NPAS2: variants seen among roughly 807,000 people sequenced by gnomAD.
NPAS2 encodes neuronal PAS domain-containing protein 2.
Under a neutral mutation model 107.5 loss-of-function variants are expected in NPAS2, and 23 were observed. The observed-to-expected ratio is 0.21, with a 90% CI of 0.15 to 0.30. NPAS2 has a LOEUF of 0.30. Ranked by LOEUF, NPAS2 falls within the 10% of genes least tolerant of loss-of-function variation. The probability of loss-of-function intolerance (pLI) is 1.00; values close to 1 mark genes in which losing one functional copy is unlikely to be tolerated. For synonymous variants in NPAS2, 403 were observed against 417.5 expected, an observed-to-expected ratio of 0.97 and a Z score of 0.42; for missense variants, 756 against 1,043.3, an observed-to-expected ratio of 0.72 and a Z score of 3.79.
chr2:100,959,823 A>C (rs1675817143), intron 7 of NPAS2, among the ~76,000 whole-genome samples: 1 of 152,240 alleles, frequency 6.6e-6, no homozygotes, highest in Admixed American at 6.5e-5. Flanking sequence ...TATCATAAGC[A>C]GGTCGTCTCT....
intron 1 of NPAS2, among the ~76,000 whole-genome samples, chr2:100,884,324 G>A (rs1680565655): frequency 6.6e-6 from 1 of 152,138 alleles, no homozygotes; most frequent in Admixed American, 6.5e-5. Flanking sequence ...GAACTTAGCA[G>A]AAAGCAAACA....
intron 15 of NPAS2, among the ~76,000 whole-genome samples, chr2:100,978,837 G>C (rs1165286108): frequency 1.3e-5 from 2 of 152,208 alleles, no homozygotes; most frequent in African/African-American, 4.8e-5. Flanking sequence ...GGAAAGGTGG[G>C]TAGGAGGTTG....
chr2:100,830,348 G>A (rs1338784627), intron 1 of NPAS2, among the ~76,000 whole-genome samples: 1 of 152,068 alleles, frequency 6.6e-6, no homozygotes, highest in Non-Finnish European at 1.5e-5. Context: ...TATACTATAA[G>A]TTCTAGGGTA....
intron 15 of NPAS2, among the ~76,000 whole-genome samples, chr2:100,979,494 ATATATATATTTTTTTTT>A (rs1677275713): frequency 1.3e-5 from 1 of 74,874 alleles, no homozygotes; most frequent in Admixed American, 1.8e-4. Flanking sequence ...ATATATATAT[ATATATATATTTTTTTTT>A]TTTTTTTTTT....
chr2:100,990,975 G>A (rs947365075), intron 19 of NPAS2, 103 bp downstream of exon 19: 7 of 936,186 alleles, frequency 7.5e-6, no homozygotes, highest in South Asian at 1.4e-5. Flanking sequence ...TGAGCCTTGC[G>A]CTAAAGGCAA....
intron 1 of NPAS2, among the ~76,000 whole-genome samples, chr2:100,836,869 A>G (rs770916400): frequency 7.2e-5 from 11 of 152,208 alleles, no homozygotes; most frequent in Admixed American, 1.3e-4. Flanking sequence ...AGAAATATGA[A>G]AGAACTTTGA....
chr2:100,893,218 TC>T (rs1681192669), intron 1 of NPAS2, among the ~76,000 whole-genome samples: 1 of 152,070 alleles, frequency 6.6e-6, no homozygotes, highest in Non-Finnish European at 1.5e-5. Context: ...ATTACCAAGC[TC>T]CCATGTGTGA....
chr2:100,880,953 T>C (rs1265820055), intron 1 of NPAS2, among the ~76,000 whole-genome samples: 3 of 152,104 alleles, frequency 2.0e-5, no homozygotes, highest in African/African-American at 7.2e-5. Context: ...AAGCAGCAAG[T>C]GCAGGGGACT....
intron 1 of NPAS2, among the ~76,000 whole-genome samples, chr2:100,847,819 A>G (rs998336003): frequency 5.9e-5 from 9 of 152,238 alleles, no homozygotes; most frequent in African/African-American, 1.9e-4. Context: ...TTCGCCATAT[A>G]TGAAGACCTT....
chr2:100,886,640 T>A (rs990162792), intron 1 of NPAS2, among the ~76,000 whole-genome samples: 2 of 152,190 alleles, frequency 1.3e-5, no homozygotes, highest in Non-Finnish European at 2.9e-5. Flanking sequence ...GGAACTTGCC[T>A]AAGCTAGTTA....
chr2:100,836,548 G>T (rs1452662466), intron 1 of NPAS2, among the ~76,000 whole-genome samples: 3 of 152,204 alleles, frequency 2.0e-5, no homozygotes, highest in Non-Finnish European at 4.4e-5. Context: ...GTGAGGTTGG[G>T]ATGACCTGTG....
chr2:100,984,212 T>C (rs1573797705), intron 16 of NPAS2: 1 of 152,352 alleles, frequency 6.6e-6, no homozygotes, highest in Non-Finnish European at 1.5e-5. Flanking sequence ...ATCATGGAAA[T>C]CCACAGATAG....
rs368946109 is a variant in NPAS2, at chr2:100,937,748, C to T, written c.274-5C>T. 1.4e-5 allele frequency: 22 copies of T among 1,612,358 alleles called. No homozygotes were observed. The highest frequency in any genetic ancestry group is 5.0e-5 in the Admixed American group (3 of 59,992). On this transcript the variant is annotated splice_polypyrimidine_tract_variant and splice_region_variant and intron_variant, in intron 4 of 20. Coordinates refer to ENST00000335681, the MANE Select transcript of NPAS2 (RefSeq NM_002518.4). ...AGGAGCTTTCAAATGTTGCATTTTC[C>T]ACAGGCATTAGATGGCTTCATTATC...
At chr2:100,872,678 C>T (rs967348750) in intron 1 of NPAS2, among the ~76,000 whole-genome samples, 8 of 152,118 alleles carry the variant, frequency 5.3e-5, no homozygotes, top group Non-Finnish European at 1.2e-4. Flanking sequence ...ACATCTAGAA[C>T]CTAGTGGCCA....
intron 1 of NPAS2, among the ~76,000 whole-genome samples, chr2:100,850,011 TAA>T (rs58359292): frequency 0.18 from 10,003 of 55,900 alleles, 419 homozygotes; most frequent in South Asian, 0.22. Flanking sequence ...ACTCTTTTTG[TAA>T]AAAAAAAAAA....
chr2:100,861,604 G>A (rs1390336632), intron 1 of NPAS2, among the ~76,000 whole-genome samples: 2 of 152,148 alleles, frequency 1.3e-5, no homozygotes, highest in South Asian at 2.1e-4. Flanking sequence ...AGGGGTCTGG[G>A]ACACAGGAAG....
At chr2:100,950,708 C>T (rs1297262472) in intron 7 of NPAS2, among the ~76,000 whole-genome samples, 1 of 152,178 alleles carries the variant, frequency 6.6e-6, no homozygotes, top group Non-Finnish European at 1.5e-5. Context: ...GGATGGTGGG[C>T]TCCTTGGCTG....
In NPAS2 at chr2:100,951,671, T is replaced by A. The variant is rs559620268; in HGVS notation, c.598+2191T>A. ...AAGTAGAATGGTGAGTGCCAGGGGC[T>A]GGAGGGAGGGGGAAATGGGAGTTGC... is the stretch of plus-strand genomic sequence containing the variant. On this transcript the variant is annotated intron_variant, in intron 7 of 20. Coordinates refer to ENST00000335681, the MANE Select transcript of NPAS2 (RefSeq NM_002518.4). Among the ~76,000 whole-genome samples, 3 of 152,104 alleles carry A rather than the reference T, an allele frequency of 2.0e-5. No individual in the cohort carries two copies. In the South Asian group the frequency reaches 6.2e-4, roughly 32 times the overall value.
intron 5 of NPAS2, among the ~76,000 whole-genome samples, chr2:100,947,808 GC>G (rs759161001): frequency 6.6e-6 from 1 of 152,240 alleles, no homozygotes; most frequent in Non-Finnish European, 1.5e-5. Flanking sequence ...TAGACTGGCA[GC>G]CCTTTGCTGC....
Sources: gnomAD v4.1 joint callset for allele counts (sites outside exome capture counted in the v4.1 genomes callset) on GRCh38, gnomAD v4.1.1 for gene constraint, MANE v1.5 for transcripts, NCBI Gene and HGNC (gene_info 2026-07-23, HGNC 2026-07-21) for gene names.